Variants in NEMF observed in about 807,000 individuals in gnomAD.
NEMF encodes nuclear export mediator factor.
NEMF carries 89 observed loss-of-function variants against 162.2 expected under a neutral mutation model. The observed-to-expected ratio is 0.55, with a 90% confidence interval of 0.46 to 0.65. The LOEUF (loss-of-function observed/expected upper bound fraction) is 0.65. NEMF is among the 30% of genes least tolerant of loss of function. The probability of loss-of-function intolerance (pLI) is 0.00; values close to 1 mark genes in which losing one functional copy is unlikely to be tolerated. For synonymous variants in NEMF, 421 were observed against 404.5 expected (o/e 1.04, Z -0.49); for missense variants, 1,133 against 1,261.9 (o/e 0.90, Z 1.55).
At position 49,795,862 on chromosome 14, in the gene NEMF, C is replaced by G. The variant is rs771796069; in HGVS notation, c.2548G>C (p.Val850Leu). The G allele has an allele frequency of 1.2e-6, 2 of 1,613,362 alleles. No individual in the cohort carries two copies. The highest frequency in any genetic ancestry group is 1.7e-6 in the Non-Finnish European group (2 of 1,179,546). The change falls in exon 26 of 33, where the codon GTA becomes CTA. Residue 850 changes from valine to leucine, a missense_variant. By Grantham distance (32) the Val-to-Leu change is conservative. Around this residue, in one of 3 missense-constraint regions of NEMF, gnomAD observed 532 missense variants for 578.6 expected, o/e 0.92. Coordinates refer to ENST00000298310, the MANE Select transcript of NEMF (RefSeq NM_004713.6). Reference sequence around the variant, plus strand: ...GTGTTCTGATGAGTTTCAATGTGTACAGTACTTTCTTTTTCTTTATCCTTT... The same window carrying G: ...GTGTTCTGATGAGTTTCAATGTGTAGAGTACTTTCTTTTTCTTTATCCTTT... The part of the protein sequence containing the change: ...EGKDKEKEST[V>L]HIETHQNTSK...
At chr14:49,844,617 T>C (rs1260053013) in intron 4 of NEMF, among the ~76,000 whole-genome samples, 1 of 152,136 alleles carries the variant, frequency 6.6e-6, no homozygotes, top group Non-Finnish European at 1.5e-5. Context: ...ACTGCACACT[T>C]GGGCTACACT....
intron 4 of NEMF, chr14:49,844,693 GTAT>G (rs1893385066): frequency 5.8e-6 from 1 of 172,448 alleles, no homozygotes; most frequent in Non-Finnish European, 1.3e-5. Flanking sequence ...TTAAATTTAT[GTAT>G]TTATTTATTT....
rs759888462 is a variant in NEMF at position 49,782,603 on chromosome 14, C to T, written c.*2033G>A. The stretch of plus-strand genomic sequence containing the variant: ...CCAAAATCTCTTGTACGGTAAGTAA[C>T]TTTGTACTTGGCACTTAGATTATTT... On this transcript the variant is annotated 3_prime_UTR_variant, in exon 33 of 33. Transcript: ENST00000298310. 1.9e-6 allele frequency: 3 copies of T among 1,590,794 alleles called. No individual in the cohort carries two copies. Among genetic ancestry groups the T allele is most frequent in the Non-Finnish European group, 2.6e-6 (3 of 1,164,290 alleles).
intron 26 of NEMF, among the ~76,000 whole-genome samples, chr14:49,793,167 T>C (rs1365364746): frequency 2.0e-5 from 3 of 152,140 alleles, no homozygotes; most frequent in Admixed American, 6.6e-5. Flanking sequence ...TTACTACTTC[T>C]ATGAAACATT....
rs1365335205 is a variant in NEMF, at chr14:49,840,754, T to C, written c.470A>G (p.His157Arg). ...FAVRERYPLD[H>R]ARAAEPLLTL... ...AAGCAAAGGTTCAGCAGCTCTAGCATGATCAAGTGGATAGCGTTCACGAAC... is the reference window on the plus strand; with the variant it reads ...AAGCAAAGGTTCAGCAGCTCTAGCACGATCAAGTGGATAGCGTTCACGAAC... Residue 157 changes from histidine (H) to arginine (R), a missense_variant, in exon 5 of 33, where the codon CAT becomes CGT. This residue lies in a region of NEMF where 582 missense variants were observed against 631.5 expected (regional missense o/e 0.92). Transcript: ENST00000298310. The C allele has an allele frequency of 1.2e-6, 2 of 1,613,932 alleles. No individual in the cohort carries two copies. Among genetic ancestry groups the C allele is most frequent in the African/African-American group, 1.3e-5 (1 of 74,912 alleles).
intron 25 of NEMF, among the ~76,000 whole-genome samples, chr14:49,797,061 G>A (rs193211413): frequency 6.6e-6 from 1 of 152,240 alleles, no homozygotes; most frequent in Non-Finnish European, 1.5e-5. Context: ...ACTACTTCCT[G>A]AATCCAGGAC....
intron 6 of NEMF, among the ~76,000 whole-genome samples, chr14:49,837,902 AT>A (rs756741291): frequency 3.3e-5 from 5 of 152,110 alleles, no homozygotes; most frequent in Non-Finnish European, 7.4e-5. Flanking sequence ...ATTTCTTAGA[AT>A]ACTACCATTA....
In NEMF at chr14:49,832,095, G is replaced by C; in HGVS notation, c.838C>G (p.Gln280Glu). 6.2e-7 allele frequency: 1 copy of C among 1,606,632 alleles called. No homozygotes were observed. The highest frequency in any genetic ancestry group is 8.5e-7 in the Non-Finnish European group (1 of 1,177,522). ...YEEFHPFLFS[Q>E]HSQCPYIEFE... ...TCTATATATGGACATTGTGAATGTTGAGAAAACAAGAAAGGATGAAATTCC... is the reference window on the plus strand; with the variant it reads ...TCTATATATGGACATTGTGAATGTTCAGAAAACAAGAAAGGATGAAATTCC... The change falls in exon 10 of 33, where the codon CAA (glutamine) becomes GAA (glutamate). Residue 280 changes from glutamine to glutamate, a missense_variant. By Grantham distance (29) the Gln-to-Glu change is conservative (BLOSUM62 2). Around this residue, in one of 3 missense-constraint regions of NEMF, gnomAD observed 582 missense variants for 631.5 expected, o/e 0.92. Transcript: ENST00000298310.
chr14:49,827,385 C>T (rs1892407953), intron 15 of NEMF, among the ~76,000 whole-genome samples: 2 of 151,950 alleles, frequency 1.3e-5, no homozygotes, highest in African/African-American at 4.8e-5. Context: ...TGGGGTTTCA[C>T]CATGTTGGCC....
chr14:49,819,312 C>G (rs1440951736), intron 16 of NEMF, among the ~76,000 whole-genome samples: 2 of 151,798 alleles, frequency 1.3e-5, no homozygotes, highest in Admixed American at 1.3e-4. Flanking sequence ...AGAGTAACTA[C>G]GTGAGATGAT....
intron 8 of NEMF, among the ~76,000 whole-genome samples, chr14:49,832,606 C>T (rs1892700860): frequency 6.6e-6 from 1 of 152,086 alleles, no homozygotes; most frequent in Non-Finnish European, 1.5e-5. Context: ...GTGCTGAGAT[C>T]ACAGGTGTGA....
At chr14:49,834,127 G>A in intron 7 of NEMF, 1 of 586,198 alleles carries the variant, frequency 1.7e-6, no homozygotes, top group Non-Finnish European at 3.2e-6. Context: ...GTCTCACTCT[G>A]TTGCTCAGGC....
Position 49,796,386 on chromosome 14 carries a change from A to G in NEMF, c.2466-442T>C. ...GAAGGGTAAATTTTATTACTGTGGTATTCTTCTTTCTGTTCCCAATGCCAA... is the reference window on the plus strand; with the variant it reads ...GAAGGGTAAATTTTATTACTGTGGTGTTCTTCTTTCTGTTCCCAATGCCAA... On this transcript the variant is annotated intron_variant, in intron 25 of 32. Coordinates refer to ENST00000298310, the MANE Select transcript of NEMF (RefSeq NM_004713.6). The G allele has an allele frequency of 6.9e-6, 3 of 432,146 alleles. No individual in the cohort carries two copies. The Admixed American group carries it at 7.6e-5, about 11-fold the overall frequency. The allele number at this position is 432,146 out of a possible 1,614,324, so 26.8% of individuals were successfully genotyped here. A position where few individuals can be genotyped will look rare whatever the true frequency, so the allele number is the denominator to read the frequency against.
intron 4 of NEMF, among the ~76,000 whole-genome samples, chr14:49,844,621 C>T (rs943570666): frequency 2.6e-5 from 4 of 151,982 alleles, no homozygotes; most frequent in Admixed American, 2.0e-4. Context: ...CACACTTGGG[C>T]TACACTAAAT....
chr14:49,839,353 T>C (rs1311516194), intron 5 of NEMF: 1 of 152,178 alleles, frequency 6.6e-6, no homozygotes, highest in Non-Finnish European at 1.5e-5. Flanking sequence ...AGTGCTGGAA[T>C]TACAGGCGTG....
intron 16 of NEMF, among the ~76,000 whole-genome samples, chr14:49,817,021 G>A (rs1010263861): frequency 6.6e-6 from 1 of 152,154 alleles, no homozygotes; most frequent in Non-Finnish European, 1.5e-5. Context: ...ATATATCAGA[G>A]ATTACATTAA....
In NEMF at chr14:49,828,705, T is replaced by C; in HGVS notation, c.1335A>G (p.Gln445=). 1 of 1,607,202 alleles carries C rather than the reference T, an allele frequency of 6.2e-7. No homozygotes were observed. The highest frequency in any genetic ancestry group is 8.5e-7 in the Non-Finnish European group (1 of 1,178,122). The change falls in exon 14 of 33, where the codon CAA becomes CAG. Residue 445 remains glutamine, a synonymous_variant. Transcript: ENST00000298310. The part of the protein sequence containing the change: ...TEPPKGKKKK[Q]KNKQLQKPQK... ...GAGGCTTCTGCAGCTGTTTATTCTTTTGTTTTTTCTTTTTTCCTTTTGGTG... is the reference window on the plus strand; with the variant it reads ...GAGGCTTCTGCAGCTGTTTATTCTTCTGTTTTTTCTTTTTTCCTTTTGGTG...
rs1594707842 is a variant in NEMF at position 49,782,242 on chromosome 14, C to G, written c.*2394G>C. On this transcript the variant is annotated 3_prime_UTR_variant, in exon 33 of 33. Transcript: ENST00000298310. ...GCTACTTTCCCTTAAGATTTTACTTCTCGCCATGATGTTTTGGTCTGAACT... is the reference window on the plus strand; with the variant it reads ...GCTACTTTCCCTTAAGATTTTACTTGTCGCCATGATGTTTTGGTCTGAACT... The G allele has an allele frequency of 1.8e-6, 1 of 560,308 alleles. No individual in the cohort carries two copies. The highest frequency in any genetic ancestry group is 3.2e-6 in the Non-Finnish European group (1 of 311,446). The allele number at this position is 560,308 out of a possible 1,614,324, so 34.7% of individuals were successfully genotyped here.
chr14:49,831,142 C>A (rs1594785437), intron 11 of NEMF, among the ~76,000 whole-genome samples, 157 bp downstream of exon 11: 1 of 152,154 alleles, frequency 6.6e-6, no homozygotes, highest in East Asian at 1.9e-4. Flanking sequence ...CCCCCATGGA[C>A]CTTCTTCATA....
Sources: allele counts gnomAD v4.1 joint callset (sites outside exome capture counted in the v4.1 genomes callset), GRCh38; gene constraint gnomAD v4.1.1; regional missense constraint gnomAD v4.1.1; transcripts MANE v1.5; gene names NCBI Gene and HGNC (gene_info 2026-07-23, HGNC 2026-07-21).